Variants in RBFOX1 observed in about 807,000 individuals in gnomAD.
The protein encoded by RBFOX1 is RNA binding protein fox-1 homolog 1.
RBFOX1 carries 8 observed loss-of-function variants against 57.7 expected under a neutral mutation model. The observed-to-expected ratio is 0.14, with a 90% CI of 0.08 to 0.25. The LOEUF (loss-of-function observed/expected upper bound fraction) is 0.25. Ranked by LOEUF, RBFOX1 falls within the 10% of genes least tolerant of loss-of-function variation. The probability of loss-of-function intolerance (pLI) is 1.00; values close to 1 mark genes in which losing one functional copy is unlikely to be tolerated. For synonymous variants in RBFOX1, 326 were observed against 222.4 expected (o/e 1.47, Z -4.15); for missense variants, 611 against 548.5 (o/e 1.11, Z -1.14).
At chr16:7,626,939 G>T (rs909286333) in intron 10 of RBFOX1, among the ~76,000 whole-genome samples, 2 of 152,130 alleles carry the variant, frequency 1.3e-5, no homozygotes, top group Admixed American at 6.5e-5. Context: ...GGATTTTGTA[G>T]TTCAGACGAC....
chr16:6,917,653 C>T (rs533155527), intron 3 of RBFOX1, among the ~76,000 whole-genome samples: 1 of 152,186 alleles, frequency 6.6e-6, no homozygotes, highest in Admixed American at 6.5e-5. Flanking sequence ...GTTCCAGATA[C>T]CATTTGCTGT....
At chr16:5,557,034 C>T (rs936849831) in intron 2 of RBFOX1, among the ~76,000 whole-genome samples, 2 of 151,884 alleles carry the variant, frequency 1.3e-5, no homozygotes, top group Non-Finnish European at 2.9e-5. Context: ...CTGAGGCAGG[C>T]GGATCATGAG....
intron 3 of RBFOX1, among the ~76,000 whole-genome samples, chr16:6,723,412 A>C (rs2066447279): frequency 6.6e-6 from 1 of 152,216 alleles, no homozygotes; most frequent in Non-Finnish European, 1.5e-5. Flanking sequence ...ACCACTATGG[A>C]GTTATCTCAA....
intron 3 of RBFOX1, among the ~76,000 whole-genome samples, chr16:6,943,405 A>G (rs1419823507): frequency 6.6e-6 from 1 of 152,142 alleles, no homozygotes; most frequent in African/African-American, 2.4e-5. Flanking sequence ...CTGAAAATCT[A>G]ACTTAAGAGT....
intron 3 of RBFOX1, among the ~76,000 whole-genome samples, chr16:5,768,157 G>A (rs76562532): frequency 0.014 from 2,119 of 152,264 alleles, 60 homozygotes; most frequent in African/African-American, 0.048. Flanking sequence ...ATGAATGCAT[G>A]TGTGGCCGCG....
intron 14 of RBFOX1, among the ~76,000 whole-genome samples, chr16:7,684,123 C>T (rs2075535454): frequency 6.6e-6 from 1 of 152,004 alleles, no homozygotes; most frequent in South Asian, 2.1e-4. Context: ...AATTCTTTTC[C>T]AGAAGAACTG....
chr16:5,693,079 C>G (rs1426227957), intron 3 of RBFOX1, among the ~76,000 whole-genome samples: 2 of 152,272 alleles, frequency 1.3e-5, no homozygotes, highest in East Asian at 1.9e-4. Flanking sequence ...AGGCAGTATT[C>G]TGGTTGCTAT....
intron 4 of RBFOX1, among the ~76,000 whole-genome samples, chr16:7,094,807 T>C (rs568387582): frequency 3.2e-5 from 4 of 125,876 alleles, no homozygotes; most frequent in South Asian, 2.7e-4. Context: ...GAGAGAGAGA[T>C]TGAGACAGAG....
chr16:6,362,801 A>G (rs990342672), intron 2 of RBFOX1, among the ~76,000 whole-genome samples: 2 of 152,218 alleles, frequency 1.3e-5, no homozygotes, highest in African/African-American at 2.4e-5. Context: ...CAAACATCAC[A>G]CTGGCAGTGC....
chr16:6,584,413 G>A (rs1315656971), intron 2 of RBFOX1, among the ~76,000 whole-genome samples: 2 of 149,704 alleles, frequency 1.3e-5, no homozygotes, highest in African/African-American at 4.9e-5. Context: ...TTTCACCCAG[G>A]CTAGAGTGCA....
At chr16:6,864,107 A>G (rs1167924062) in intron 3 of RBFOX1, among the ~76,000 whole-genome samples, 1 of 151,962 alleles carries the variant, frequency 6.6e-6, no homozygotes. Flanking sequence ...AGTGACAAAG[A>G]AGAAAGCGAA....
At chr16:5,989,091 C>T (rs142511703) in intron 4 of RBFOX1, among the ~76,000 whole-genome samples, 6 of 150,910 alleles carry the variant, frequency 4.0e-5, no homozygotes, top group East Asian at 3.9e-4. Flanking sequence ...GAGGCCGAGG[C>T]GGGTGGATCA....
intron 2 of RBFOX1, among the ~76,000 whole-genome samples, chr16:5,538,619 C>CTTTTTTTTTTT (rs59757856): frequency 1.6e-5 from 2 of 126,948 alleles, no homozygotes; most frequent in African/African-American, 2.9e-5. Flanking sequence ...TTTATTTCTT[C>CTTTTTTTTTTT]TTTTTTTTTT....
intron 1 of RBFOX1, among the ~76,000 whole-genome samples, chr16:6,146,400 A>G (rs59763614): frequency 0.074 from 11,200 of 152,144 alleles, 1,066 homozygotes; most frequent in African/African-American, 0.22. Context: ...CAACCTCAAC[A>G]CTATTGACAT....
intron 3 of RBFOX1, among the ~76,000 whole-genome samples, chr16:6,749,408 A>G (rs1422007226): frequency 2.0e-5 from 3 of 152,084 alleles, no homozygotes; most frequent in East Asian, 1.9e-4. Context: ...CATGAGATGG[A>G]CCCTGGTTCT....
chr16:5,828,591 C>T (rs892968156), intron 3 of RBFOX1, among the ~76,000 whole-genome samples: 10 of 151,996 alleles, frequency 6.6e-5, no homozygotes, highest in East Asian at 1.9e-4. Flanking sequence ...CCCAGCTACT[C>T]GGGAGGCCGA....
intron 3 of RBFOX1, among the ~76,000 whole-genome samples, chr16:6,894,739 T>G (rs1458837847): frequency 1.3e-5 from 2 of 152,170 alleles, no homozygotes; most frequent in African/African-American, 4.8e-5. Flanking sequence ...ACCAACAGAT[T>G]GTATCAGTTT....
At chr16:6,612,361 T>C (rs769037504) in intron 2 of RBFOX1, among the ~76,000 whole-genome samples, 10 of 152,210 alleles carry the variant, frequency 6.6e-5, no homozygotes, top group Admixed American at 2.6e-4. Context: ...AAAACCAACA[T>C]TGCCACTGCT....
At chr16:6,882,128 C>T (rs920439754) in intron 3 of RBFOX1, among the ~76,000 whole-genome samples, 7 of 152,116 alleles carry the variant, frequency 4.6e-5, no homozygotes, top group African/African-American at 1.7e-4. Context: ...GCAGGAAAGT[C>T]AAGGCTGCTG....
Sources: allele counts gnomAD v4.1 joint callset (sites outside exome capture counted in the v4.1 genomes callset), GRCh38; gene constraint gnomAD v4.1.1; transcripts MANE v1.5; gene names NCBI Gene and HGNC (gene_info 2026-07-23, HGNC 2026-07-21).